BLK: variants seen among roughly 807,000 people sequenced by gnomAD.
BLK encodes the protein tyrosine-protein kinase Blk.
In BLK, 64 loss-of-function variants were observed where a neutral mutation model predicts 61.8. The observed-to-expected ratio is 1.03, with a 90% CI of 0.85 to 1.27. BLK has a LOEUF of 1.27. Ranked by LOEUF, BLK falls within the 50% of genes most tolerant of loss-of-function variation. The pLI is 0.00. For synonymous variants in BLK, 351 were observed against 272.0 expected (o/e 1.29, Z -2.86); for missense variants, 853 against 660.5 (o/e 1.29, Z -3.19).
chr8:11,522,048 T>C (rs1162805918), intron 1 of BLK, among the ~76,000 whole-genome samples: 4 of 152,240 alleles, frequency 2.6e-5, no homozygotes, highest in African/African-American at 9.6e-5. Context: ...CTCCTAATCA[T>C]GGTAAATCCA....
intron 10 of BLK, chr8:11,559,845 C>T (rs970975283): frequency 6.8e-5 from 31 of 456,054 alleles, no homozygotes; most frequent in Non-Finnish European, 1.2e-4. Flanking sequence ...GAAGGTTTCC[C>T]TGGACAAGAA....
chr8:11,536,134 T>C (rs2117405012), intron 1 of BLK, among the ~76,000 whole-genome samples: 1 of 152,364 alleles, frequency 6.6e-6, no homozygotes, highest in Non-Finnish European at 1.5e-5. Context: ...CATGGAAATA[T>C]TGCTAGTTTT....
At chr8:11,512,221 G>A (rs1799038759) in intron 1 of BLK, among the ~76,000 whole-genome samples, 1 of 152,228 alleles carries the variant, frequency 6.6e-6, no homozygotes, top group Non-Finnish European at 1.5e-5. Flanking sequence ...CAGAGTTGGT[G>A]ATGTGTGGAT....
chr8:11,561,565 T>TA, intron 11 of BLK, 113 bp downstream of exon 11: 1 of 1,341,184 alleles, frequency 7.5e-7, no homozygotes, highest in South Asian at 1.3e-5. Context: ...CTGAGGGCTA[T>TA]ACGGTTTCTA....
intron 1 of BLK, among the ~76,000 whole-genome samples, chr8:11,506,207 T>A (rs1798764664): frequency 6.6e-6 from 1 of 152,226 alleles, no homozygotes; most frequent in Non-Finnish European, 1.5e-5. Flanking sequence ...GGGGTGTCTT[T>A]AAGGTGACCT....
intron 1 of BLK, among the ~76,000 whole-genome samples, chr8:11,512,852 A>T (rs2117293858): frequency 1.3e-5 from 2 of 152,242 alleles, no homozygotes; most frequent in Middle Eastern, 6.8e-3. Flanking sequence ...TTTTTAGTAG[A>T]GATGGGGTTT....
At chr8:11,510,723 T>G (rs746678415) in intron 1 of BLK, among the ~76,000 whole-genome samples, 6 of 151,668 alleles carry the variant, frequency 4.0e-5, no homozygotes, top group Non-Finnish European at 8.8e-5. Flanking sequence ...GAATATATTA[T>G]CCCCGGGATA....
intron 1 of BLK, among the ~76,000 whole-genome samples, chr8:11,508,123 C>T (rs893612584): frequency 3.9e-5 from 6 of 152,228 alleles, no homozygotes; most frequent in Non-Finnish European, 8.8e-5. Context: ...GGACTAGAGC[C>T]AAAGTGCAGG....
At chr8:11,512,365 C>T (rs574656609) in intron 1 of BLK, among the ~76,000 whole-genome samples, 85 of 152,296 alleles carry the variant, frequency 5.6e-4, no homozygotes, top group African/African-American at 1.9e-3. Context: ...ATTATAAGCA[C>T]GTAAAATTCC....
At chr8:11,550,811 C>T (rs1374784525) in intron 6 of BLK, among the ~76,000 whole-genome samples, 1 of 152,222 alleles carries the variant, frequency 6.6e-6, no homozygotes, top group Non-Finnish European at 1.5e-5. Context: ...TTCTCTCTTT[C>T]TCTGTCATTT....
chr8:11,521,234 C>A (rs1387699849), intron 1 of BLK, among the ~76,000 whole-genome samples: 1 of 152,108 alleles, frequency 6.6e-6, no homozygotes, highest in African/African-American at 2.4e-5. Context: ...ATTATCTATA[C>A]CCTAAAGATA....
Position 11,543,345 on chromosome 8 carries a change from C to A in BLK, c.121C>A (p.Leu41Met). ...CAAGGACGCCCCGCCACTGCCGCCC[C>A]TGGTGAGTGATTGCCCACCCCCACC... is the stretch of plus-strand genomic sequence containing the variant. ...QDKDAPPLPP[L>M]VVFNHLTPPP... is the part of the protein sequence containing the mutation. The change falls in exon 2 of 13, where the codon CTG becomes ATG. Residue 41 changes from leucine (L) to methionine (M), a missense_variant and splice_region_variant. Physicochemically the swap from Leu to Met is conservative, Grantham distance 15. Transcript: ENST00000259089. 1 of 1,613,002 alleles carries A rather than the reference C, an allele frequency of 6.2e-7. No individual in the cohort carries two copies. The highest frequency in any genetic ancestry group is 8.5e-7 in the Non-Finnish European group (1 of 1,180,022).
At chr8:11,555,975 C>A in intron 8 of BLK, 1 of 291,908 alleles carries the variant, frequency 3.4e-6, no homozygotes, top group Non-Finnish European at 6.7e-6. Flanking sequence ...CCCCCCCGCC[C>A]ACCAGGATAT....
chr8:11,507,230 A>G (rs538419868), intron 1 of BLK, among the ~76,000 whole-genome samples: 15 of 152,340 alleles, frequency 9.8e-5, no homozygotes, highest in African/African-American at 3.6e-4. Flanking sequence ...GAAGCGGGCT[A>G]GGGAGGAAGG....
At chr8:11,516,446 A>T (rs1408642808) in intron 1 of BLK, among the ~76,000 whole-genome samples, 1 of 152,166 alleles carries the variant, frequency 6.6e-6, no homozygotes, top group African/African-American at 2.4e-5. Context: ...TCTCTCCCAG[A>T]GGATCTTTCT....
In BLK at chr8:11,539,234, A is replaced by G. The variant is rs948333856; in HGVS notation, c.-1-3990A>G. The stretch of plus-strand genomic sequence containing the variant: ...CACGCCTGAATAGAGGTTTCTTTTC[A>G]TTTGGTGTTTGCAAATATGGGATTC... On this transcript the variant is annotated intron_variant, in intron 1 of 12. Coordinates refer to ENST00000259089, the MANE Select transcript of BLK (RefSeq NM_001715.3). 3.9e-4 allele frequency among the ~76,000 whole-genome samples: 59 copies of G among 152,094 alleles called. 1 individual carries two copies. The highest frequency in any genetic ancestry group is 8.8e-5 in the Non-Finnish European group (6 of 68,010).
intron 1 of BLK, among the ~76,000 whole-genome samples, chr8:11,533,298 C>T (rs1226055707): frequency 6.6e-6 from 1 of 152,078 alleles, no homozygotes; most frequent in East Asian, 1.9e-4. Flanking sequence ...TAAAAGAGAA[C>T]CTTTCAGTCT....
chr8:11,506,751 T>C (rs1473157341), intron 1 of BLK, among the ~76,000 whole-genome samples: 1 of 152,190 alleles, frequency 6.6e-6, no homozygotes, highest in Non-Finnish European at 1.5e-5. Flanking sequence ...TGTCAGCCTC[T>C]GACCCTGGCC....
rs1217590782 is a variant in BLK, at chr8:11,533,602, GAGA to G, written c.-1-9619_-1-9617del. 2.7e-3 allele frequency among the ~76,000 whole-genome samples: 295 copies of G among 108,334 alleles called. 5 individuals are homozygous for G. The highest frequency in any genetic ancestry group is 6.1e-3 in the African/African-American group (198 of 32,256). The allele number at this position is 108,334 out of a possible 152,430, so 71.1% of individuals were successfully genotyped here. On this transcript the variant is annotated intron_variant, in intron 1 of 12. Coordinates refer to ENST00000259089, the MANE Select transcript of BLK (RefSeq NM_001715.3). Reference sequence around the variant, plus strand: ...TCTGCCGGAGGAGGAGGAGGAGGAGGAGAAGGAGGAGGAGAGGAGTAGGAGGAG... The same window carrying G: ...TCTGCCGGAGGAGGAGGAGGAGGAGGAGGAGGAGGAGAGGAGTAGGAGGAG...
Sources: gnomAD v4.1 joint callset for allele counts (sites outside exome capture counted in the v4.1 genomes callset) on GRCh38, gnomAD v4.1.1 for gene constraint, MANE v1.5 for transcripts, NCBI Gene and HGNC (gene_info 2026-07-23, HGNC 2026-07-21) for gene names.